Variants in CMKLR2 observed in about 807,000 individuals in gnomAD.
CMKLR2 encodes chemerin chemokine-like receptor 2.
Under a neutral mutation model 23.0 loss-of-function variants are expected in CMKLR2, and 18 were observed. That is an observed-to-expected ratio of 0.78 (90% CI 0.54 to 1.16). CMKLR2 has a LOEUF of 1.16. Among genes scored for constraint, CMKLR2 ranks in the 50% most tolerant of loss-of-function variants. CMKLR2 has a pLI of 0.00. For missense variants in CMKLR2, 401 were observed against 412.7 expected (o/e 0.97, Z 0.25); for synonymous variants, 158 against 158.9 (o/e 0.99, Z 0.05).
At chr2:206,215,923 G>A (rs188345644), upstream of CMKLR2, among the ~76,000 whole-genome samples, 13 of 152,280 alleles carry the variant, frequency 8.5e-5, no homozygotes, top group South Asian at 6.2e-4. Flanking sequence ...GGCTCCAGAC[G>A]TTCTGACTTC....
At chr2:206,193,234 G>C (rs534502400) in intron 1 of CMKLR2, among the ~76,000 whole-genome samples, 19 of 152,204 alleles carry the variant, frequency 1.2e-4, no homozygotes, top group African/African-American at 4.3e-4. Flanking sequence ...GAGTAGCTAG[G>C]ATTACAGGTA....
chr2:206,209,293 G>A (rs1009354192), intron 1 of CMKLR2, among the ~76,000 whole-genome samples: 6 of 151,344 alleles, frequency 4.0e-5, no homozygotes, highest in African/African-American at 7.3e-5. Context: ...AGCTGAGATC[G>A]CAGCCACTGC....
chr2:206,204,353 C>CAA (rs373840930), intron 1 of CMKLR2, among the ~76,000 whole-genome samples: 1,415 of 44,104 alleles, frequency 0.032, 51 homozygotes, highest in Admixed American at 0.11. Context: ...GACTCCATCT[C>CAA]AAAAAAAAAA....
chr2:206,206,663 C>G (rs961302956), intron 1 of CMKLR2, among the ~76,000 whole-genome samples: 2 of 152,190 alleles, frequency 1.3e-5, no homozygotes, highest in Admixed American at 1.3e-4. Context: ...TCAAGAATGT[C>G]TGTCTCCGCC....
At position 206,181,681 on chromosome 2, in the gene CMKLR2, A is replaced by G. The variant is rs144698961; in HGVS notation, c.-28-4406T>C. On this transcript the variant is annotated intron_variant, in intron 1 of 1. Transcript: ENST00000621141. Reference sequence around the variant, plus strand: ...TAGGAAATCATAAGGGGCTGAGAGCAGTGGCTCACGCCTATAATCCCAGCA... The same window carrying G: ...TAGGAAATCATAAGGGGCTGAGAGCGGTGGCTCACGCCTATAATCCCAGCA... 2.0e-3 allele frequency among the ~76,000 whole-genome samples: 303 copies of G among 152,292 alleles called. 1 individual carries two copies. The highest frequency in any genetic ancestry group is 6.9e-3 in the African/African-American group (286 of 41,588).
intron 1 of CMKLR2, among the ~76,000 whole-genome samples, chr2:206,189,452 T>G (rs1223214045): frequency 6.6e-6 from 1 of 152,006 alleles, no homozygotes; most frequent in Non-Finnish European, 1.5e-5. Flanking sequence ...CTGGCCAACA[T>G]GGTGAAACCC....
At chr2:206,192,319 TTTTTA>T (rs943068253) in intron 1 of CMKLR2, among the ~76,000 whole-genome samples, 3 of 149,918 alleles carry the variant, frequency 2.0e-5, no homozygotes, top group East Asian at 1.9e-4. Flanking sequence ...TTTTTTTTAT[TTTTTA>T]TTTTATTATT....
At chr2:206,200,878 A>G (rs1300383662) in intron 1 of CMKLR2, among the ~76,000 whole-genome samples, 1 of 152,226 alleles carries the variant, frequency 6.6e-6, no homozygotes, top group African/African-American at 2.4e-5. Context: ...TTTTGTTCTC[A>G]TCACAGATTT....
upstream of CMKLR2, among the ~76,000 whole-genome samples, chr2:206,216,503 A>C (rs1002152108): frequency 6.6e-6 from 1 of 152,076 alleles, no homozygotes; most frequent in Non-Finnish European, 1.5e-5. Flanking sequence ...GCAGGTCTTA[A>C]ACTCCTGGGC....
At chr2:206,192,410 T>C (rs1688783606) in intron 1 of CMKLR2, among the ~76,000 whole-genome samples, 1 of 151,362 alleles carries the variant, frequency 6.6e-6, no homozygotes, top group Admixed American at 6.6e-5. Flanking sequence ...TTTTTATTTT[T>C]CTGTTTATTT....
At position 206,177,278 on chromosome 2, in the gene CMKLR2, G is replaced by A; in HGVS notation, c.-28-3C>T. 7.5e-7 allele frequency: 1 copy of A among 1,338,090 alleles called. No homozygotes were observed. Among genetic ancestry groups the A allele is most frequent in the Non-Finnish European group, 1.0e-6 (1 of 974,818 alleles). 82.9% of individuals were successfully genotyped at this position (1,338,090 alleles called of 1,614,324 possible). On this transcript the variant is annotated splice_polypyrimidine_tract_variant and splice_region_variant and intron_variant, in intron 1 of 1. Coordinates refer to ENST00000621141, the MANE Select transcript of CMKLR2 (RefSeq NM_001389445.1). ...TGCTAAATGGAGAATGAAGAAATCTGTAGAAGCAAATTTAAAAAGAAAGAA... is the reference window on the plus strand; with the variant it reads ...TGCTAAATGGAGAATGAAGAAATCTATAGAAGCAAATTTAAAAAGAAAGAA...
At chr2:206,178,690 C>T (rs1688307234) in intron 1 of CMKLR2, among the ~76,000 whole-genome samples, 1 of 152,150 alleles carries the variant, frequency 6.6e-6, no homozygotes, top group South Asian at 2.1e-4. Flanking sequence ...CCTCCCGTTA[C>T]AGAGGCTGGA....
chr2:206,213,584 G>C (rs1479486116), upstream of CMKLR2: 1 of 152,168 alleles, frequency 6.6e-6, no homozygotes, highest in Non-Finnish European at 1.5e-5. Context: ...CTATGTTTGT[G>C]TAAGAAGTTT....
intron 1 of CMKLR2, among the ~76,000 whole-genome samples, chr2:206,179,965 A>G (rs1688359520): frequency 6.6e-6 from 1 of 152,166 alleles, no homozygotes; most frequent in Non-Finnish European, 1.5e-5. Flanking sequence ...AAACCTTCTG[A>G]GAAATCCGGC....
intron 1 of CMKLR2, among the ~76,000 whole-genome samples, chr2:206,178,200 G>C (rs1345222083): frequency 2.0e-5 from 3 of 152,160 alleles, no homozygotes; most frequent in African/African-American, 7.2e-5. Flanking sequence ...AGGAGTTTGA[G>C]GCTGCAGCGA....
intron 1 of CMKLR2, among the ~76,000 whole-genome samples, chr2:206,207,252 T>C (rs1477084593): frequency 1.3e-5 from 2 of 151,350 alleles, no homozygotes; most frequent in African/African-American, 4.9e-5. Flanking sequence ...GTGATTCTCC[T>C]GCCTCAGCCT....
At chr2:206,185,589 T>C (rs1034207894) in intron 1 of CMKLR2, among the ~76,000 whole-genome samples, 7 of 152,120 alleles carry the variant, frequency 4.6e-5, no homozygotes, top group African/African-American at 1.7e-4. Flanking sequence ...GGAAAAGCAA[T>C]CTGATTTTTG....
In CMKLR2 at chr2:206,176,128, G is replaced by T; in HGVS notation, c.*52C>A. ...AAACAATTTTAATCTGAAAGCATCA[G>T]TCAGAGGACCCACATAAAAAGCCAT... On this transcript the variant is annotated 3_prime_UTR_variant, in exon 2 of 2. Coordinates refer to ENST00000621141, the MANE Select transcript of CMKLR2 (RefSeq NM_001389445.1). 2 of 1,284,490 alleles carry T rather than the reference G, an allele frequency of 1.6e-6. No individual in the cohort carries two copies. The highest frequency in any genetic ancestry group is 2.2e-6 in the Non-Finnish European group (2 of 922,054). 79.6% of individuals were successfully genotyped at this position (1,284,490 alleles called of 1,614,324 possible). A position where few individuals can be genotyped will look rare whatever the true frequency, so the allele number is the denominator to read the frequency against.
At chr2:206,178,039 G>A (rs1431665373) in intron 1 of CMKLR2, among the ~76,000 whole-genome samples, 2 of 152,170 alleles carry the variant, frequency 1.3e-5, no homozygotes, top group Non-Finnish European at 2.9e-5. Flanking sequence ...ACTTTGGGAG[G>A]CTGAGACAGG....
Sources: allele counts gnomAD v4.1 joint callset (sites outside exome capture counted in the v4.1 genomes callset), GRCh38; gene constraint gnomAD v4.1.1; transcripts MANE v1.5; gene names NCBI Gene and HGNC (gene_info 2026-07-23, HGNC 2026-07-21).